The following FOXN1 variants were observed in gnomAD, a reference collection of about 807,000 sequenced individuals.
FOXN1 encodes the protein forkhead box N1, also known as forkhead box protein N1.
In FOXN1, 15 loss-of-function variants were observed where a neutral mutation model predicts 49.0. That is an observed-to-expected ratio of 0.31 (90% confidence interval 0.20 to 0.47). The LOEUF (loss-of-function observed/expected upper bound fraction) is 0.47, where lower values mean the gene tolerates loss of function less well. Ranked by LOEUF, FOXN1 falls within the 20% of genes least tolerant of loss-of-function variation. The pLI, the probability that FOXN1 is intolerant of heterozygous loss-of-function variation, is 1.00. For missense variants in FOXN1, 800 were observed against 842.8 expected (o/e 0.95, Z 0.63); for synonymous variants, 356 against 369.0 (o/e 0.96, Z 0.40).
intron 1 of FOXN1, among the ~76,000 whole-genome samples, chr17:28,518,776 T>C (rs2069581824): frequency 6.6e-6 from 1 of 152,098 alleles, no homozygotes; most frequent in African/African-American, 2.4e-5. Flanking sequence ...TCTGGCGGTA[T>C]GGTCATGGCT....
In FOXN1 at chr17:28,529,747, A is replaced by G. The variant is rs116174580; in HGVS notation, c.830+523A>G. 5.0e-3 allele frequency among the ~76,000 whole-genome samples: 766 copies of G among 152,196 alleles called. 3 individuals carry two copies. Among genetic ancestry groups the G allele is most frequent in the African/African-American group, 0.017 (721 of 41,520 alleles). On this transcript the variant is annotated intron_variant, in intron 5 of 8. Transcript: ENST00000579795. Reference sequence around the variant, plus strand: ...TTCCATCTGTCCTTTCATTCATCCAACCAACAGTGACACTTGGCCAAATAT... The same window carrying G: ...TTCCATCTGTCCTTTCATTCATCCAGCCAACAGTGACACTTGGCCAAATAT...
At chr17:28,514,269 G>A (rs1316753325) in intron 1 of FOXN1, among the ~76,000 whole-genome samples, 4 of 152,062 alleles carry the variant, frequency 2.6e-5, no homozygotes, top group Non-Finnish European at 4.4e-5. Context: ...AGCGTCACCT[G>A]GGGGACATGG....
chr17:28,537,357 T>A lies in FOXN1; in HGVS notation c.1868T>A (p.Leu623Gln). The change falls in exon 9 of 9, where the codon CTG becomes CAG. Residue 623 changes from leucine to glutamine, a missense_variant. Around this residue, in one of 3 missense-constraint regions of FOXN1, gnomAD observed 344 missense variants for 366.1 expected, o/e 0.94. Coordinates refer to ENST00000579795, the MANE Select transcript of FOXN1 (RefSeq NM_001369369.1). ...ACCCTCTACTCTGCCTTTATGGAGC[T>A]GGAGCCCACGCCCCCCACGGCCCCT... Reference protein sequence around the residue: ...LTTLYSAFMELEPTPPTAPAG... With the variant: ...LTTLYSAFMEQEPTPPTAPAG... The A allele has an allele frequency of 6.2e-7, 1 of 1,613,042 alleles. No homozygotes were observed. Among genetic ancestry groups the A allele is most frequent in the South Asian group, 1.1e-5 (1 of 91,076 alleles).
chr17:28,517,633 C>A (rs2069549458), intron 1 of FOXN1, among the ~76,000 whole-genome samples: 2 of 106,648 alleles, frequency 1.9e-5, no homozygotes, highest in Non-Finnish European at 4.0e-5. Flanking sequence ...GGGTACACAC[C>A]TCCACAGGGT....
chr17:28,535,579 G>A (rs1166240113), intron 8 of FOXN1, among the ~76,000 whole-genome samples: 1 of 152,130 alleles, frequency 6.6e-6, no homozygotes, highest in Admixed American at 6.5e-5. Context: ...GAGAAACACT[G>A]TCTCTATTTA....
chr17:28,520,556 C>T (rs745355878), intron 1 of FOXN1, among the ~76,000 whole-genome samples: 9 of 152,210 alleles, frequency 5.9e-5, no homozygotes, highest in Admixed American at 1.3e-4. Flanking sequence ...CTCTGCATAA[C>T]TTCCTTGGTT....
intron 6 of FOXN1, among the ~76,000 whole-genome samples, chr17:28,533,921 A>C (rs2069982488): frequency 6.6e-6 from 1 of 152,158 alleles, no homozygotes; most frequent in East Asian, 1.9e-4. Flanking sequence ...AAGACCTCAG[A>C]GTAATGAGTC....
At chr17:28,528,968 G>T (rs553769726) in intron 4 of FOXN1, 126 bp from the exon 5 acceptor site, 39 of 1,248,392 alleles carry the variant, frequency 3.1e-5, no homozygotes, top group Non-Finnish European at 9.3e-6. Context: ...GGGTGATGGG[G>T]CCCATGACCC....
Position 28,537,332 on chromosome 17 carries a change from A to G in FOXN1, c.1843A>G (p.Thr615Ala), listed in dbSNP as rs779712699. Residue 615 changes from threonine to alanine, a missense_variant, in exon 9 of 9, where the codon ACC becomes GCC. Physicochemically the swap from Thr to Ala is moderately conservative, Grantham distance 58 (BLOSUM62 0). This residue lies in a region of FOXN1 where 344 missense variants were observed against 366.1 expected (regional missense o/e 0.94). Transcript: ENST00000579795. ...SGALGDLHLT[T>A]LYSAFMELEP... ...GGCACTGGGTGACCTGCACCTCACC[A>G]CCCTCTACTCTGCCTTTATGGAGCT... 3 of 1,612,570 alleles carry G rather than the reference A, an allele frequency of 1.9e-6. No homozygotes were observed. Among genetic ancestry groups the G allele is most frequent in the South Asian group, 1.1e-5 (1 of 91,034 alleles).
In FOXN1 at chr17:28,524,582, C is replaced by G; in HGVS notation, c.203C>G (p.Pro68Arg). The change falls in exon 3 of 9, where the codon CCC becomes CGC. Residue 68 changes from proline to arginine, a missense_variant. This residue lies in a region of FOXN1 where 383 missense variants were observed against 357.9 expected (regional missense o/e 1.07). Transcript: ENST00000579795. Reference sequence around the variant, plus strand: ...ACACCCTCACTGCCCCCACACAGCCCCCGCATTGCGTCACCAGGGCCCGAG... The same window carrying G: ...ACACCCTCACTGCCCCCACACAGCCGCCGCATTGCGTCACCAGGGCCCGAG... ...ERTPSLPPHS[P>R]RIASPGPEQV... 1 of 1,613,660 alleles carries G rather than the reference C, an allele frequency of 6.2e-7. No individual in the cohort carries two copies. The highest frequency in any genetic ancestry group is 8.5e-7 in the Non-Finnish European group (1 of 1,179,986).
Position 28,534,339 on chromosome 17 carries a change from C to G in FOXN1, c.936C>G (p.Pro312=), listed in dbSNP as rs767538384. The G allele has an allele frequency of 1.9e-6, 3 of 1,613,974 alleles. No homozygotes were observed. Among genetic ancestry groups the G allele is most frequent in the Non-Finnish European group, 2.5e-6 (3 of 1,179,990 alleles). ...TTGCTCTGTTCCGGCAGACAGCACC[C>G]GATGGCTGGAAGAATTCTGTCCGGC... is the stretch of plus-strand genomic sequence containing the variant. The part of the protein sequence containing the change: ...TEHFPYFKTA[P]DGWKNSVRHN... Residue 312 remains proline (P), a synonymous_variant, in exon 7 of 9, where the codon CCC becomes CCG. Coordinates refer to ENST00000579795, the MANE Select transcript of FOXN1 (RefSeq NM_001369369.1). The surrounding 1 kb of genome is among the most constrained non-coding windows in gnomAD (Gnocchi z 4.1).
chr17:28,518,697 A>C (rs372990103), intron 1 of FOXN1, among the ~76,000 whole-genome samples: 2 of 152,150 alleles, frequency 1.3e-5, no homozygotes, highest in East Asian at 3.9e-4. Context: ...GAAGGTGGCC[A>C]GAATGCCCAG....
At chr17:28,527,455 C>A in intron 4 of FOXN1, 94 bp downstream of exon 4, 1 of 768,708 alleles carries the variant, frequency 1.3e-6, no homozygotes, top group South Asian at 1.5e-5. Flanking sequence ...GGCATGTGTT[C>A]ACCAGGATAG....
intron 1 of FOXN1, among the ~76,000 whole-genome samples, chr17:28,510,580 GCACACA>G (rs5819850): frequency 0.2 from 28,022 of 138,010 alleles, 2,662 homozygotes; most frequent in Middle Eastern, 0.25. Flanking sequence ...GCACACACAC[GCACACA>G]CACACACACA....
chr17:28,527,408 C>G (rs921844080), intron 4 of FOXN1, 47 bp downstream of exon 4: 1 of 1,076,944 alleles, frequency 9.3e-7, no homozygotes, highest in Non-Finnish European at 1.4e-6. Flanking sequence ...CTGAGGATAT[C>G]GTGTGTGTGT....
chr17:28,530,069 G>A (rs2069873609), intron 5 of FOXN1, among the ~76,000 whole-genome samples: 1 of 151,712 alleles, frequency 6.6e-6, no homozygotes, highest in South Asian at 2.1e-4. Context: ...AACGTTAGGA[G>A]AAATATCTAA....
At chr17:28,536,823 C>T (rs2151501438) in intron 8 of FOXN1, among the ~76,000 whole-genome samples, 1 of 152,294 alleles carries the variant, frequency 6.6e-6, no homozygotes, top group South Asian at 2.1e-4. Flanking sequence ...CATTGGCATC[C>T]ATGCTGTCAG....
chr17:28,514,575 T>C (rs1002852012), intron 1 of FOXN1, among the ~76,000 whole-genome samples: 1 of 151,950 alleles, frequency 6.6e-6, no homozygotes, highest in Non-Finnish European at 1.5e-5. Context: ...GCCGAGCTGC[T>C]CCAGGGGACC....
intron 1 of FOXN1, among the ~76,000 whole-genome samples, chr17:28,516,804 G>A (rs2069515987): frequency 2.4e-5 from 2 of 82,294 alleles, no homozygotes; most frequent in Admixed American, 1.2e-4. Flanking sequence ...ATCTCCACAG[G>A]GTACACACCT....
Sources: allele counts gnomAD v4.1 joint callset (sites outside exome capture counted in the v4.1 genomes callset), GRCh38; gene constraint gnomAD v4.1.1; regional missense constraint gnomAD v4.1.1; non-coding constraint Gnocchi (gnomAD v3.1); transcripts MANE v1.5; gene names NCBI Gene and HGNC (gene_info 2026-07-23, HGNC 2026-07-21).